Variants in FUBP1 observed in about 807,000 individuals in gnomAD.
The protein encoded by FUBP1 is far upstream element binding protein 1, also known as far upstream element-binding protein 1.
In FUBP1, 16 loss-of-function variants were observed where a neutral mutation model predicts 94.9. The ratio of observed to expected loss-of-function variants is 0.17; its 90% CI spans 0.11 to 0.26. The LOEUF (loss-of-function observed/expected upper bound fraction) is 0.26. FUBP1 is among the 10% of genes least tolerant of loss of function. The pLI is 1.00. For synonymous variants in FUBP1, 279 were observed against 254.9 expected, an observed-to-expected ratio of 1.09 and a Z score of -0.90; for missense variants, 583 against 808.6, an observed-to-expected ratio of 0.72 and a Z score of 3.38.
chr1:77,970,364 C>T (rs1483585394), intron 1 of FUBP1, among the ~76,000 whole-genome samples: 2 of 152,108 alleles, frequency 1.3e-5, no homozygotes, highest in African/African-American at 2.4e-5. Flanking sequence ...AATGTGAACA[C>T]TTTGTGGGAC....
chr1:77,968,094 A>G, intron 3 of FUBP1, 71 bp downstream of exon 3: 3 of 987,938 alleles, frequency 3.0e-6, no homozygotes, highest in East Asian at 2.8e-5. Context: ...AAGATACCCA[A>G]TAATATGAAC....
rs749333758 is a variant in FUBP1 at position 77,946,801 on chromosome 1, C to T, written c.*1965G>A. ...GTCAATACCCTACTCTTAAAGATAACAAATAGCTAACTCCTTAACTATTAA... is the reference window on the plus strand; with the variant it reads ...GTCAATACCCTACTCTTAAAGATAATAAATAGCTAACTCCTTAACTATTAA... On this transcript the variant is annotated 3_prime_UTR_variant, in exon 20 of 20. Coordinates refer to ENST00000370768, the MANE Select transcript of FUBP1 (RefSeq NM_003902.5). The T allele has an allele frequency of 9.8e-6, 2 of 205,104 alleles. No homozygotes were observed. The highest frequency in any genetic ancestry group is 2.3e-5 in the African/African-American group (1 of 43,768). 12.7% of individuals were successfully genotyped at this position (205,104 alleles called of 1,614,324 possible).
chr1:77,961,668 A>G (rs1485042289), intron 14 of FUBP1, among the ~76,000 whole-genome samples: 1 of 152,262 alleles, frequency 6.6e-6, no homozygotes, highest in Non-Finnish European at 1.5e-5. Flanking sequence ...TACAGAGTCC[A>G]TGCTCTTAAT....
chr1:77,968,936 C>A, intron 2 of FUBP1: 1 of 454,838 alleles, frequency 2.2e-6, no homozygotes, highest in African/African-American at 2.1e-5. Flanking sequence ...GACACATAAT[C>A]CAAGAAATAT....
intron 3 of FUBP1, 140 bp downstream of exon 3, chr1:77,968,025 A>C (rs1473881241): frequency 3.5e-6 from 2 of 576,210 alleles, no homozygotes; most frequent in Non-Finnish European, 6.1e-6. Context: ...AAAAAGGTAT[A>C]TATTTACAAA....
Position 77,947,675 on chromosome 1 carries a change from A to C in FUBP1, c.*1091T>G, listed in dbSNP as rs924455420. On this transcript the variant is annotated 3_prime_UTR_variant, in exon 20 of 20. Coordinates refer to ENST00000370768, the MANE Select transcript of FUBP1 (RefSeq NM_003902.5). ...TTCAACAAAATATCAGAACTTCAGCATGAGTGTTAAAGAGTAATAAAATGA... is the reference window on the plus strand; with the variant it reads ...TTCAACAAAATATCAGAACTTCAGCCTGAGTGTTAAAGAGTAATAAAATGA... 1 of 657,682 alleles carries C rather than the reference A, an allele frequency of 1.5e-6. No homozygotes were observed. The highest frequency in any genetic ancestry group is 2.5e-6 in the Non-Finnish European group (1 of 395,786). The allele number at this position is 657,682 out of a possible 1,614,324, so 40.7% of individuals were successfully genotyped here. A position where few individuals can be genotyped will look rare whatever the true frequency, so the allele number is the denominator to read the frequency against.
In FUBP1 at chr1:77,970,921, T is replaced by C. The variant is rs145545493; in HGVS notation, c.121-906A>G. Among the ~76,000 whole-genome samples, 10 of 152,226 alleles carry C rather than the reference T, an allele frequency of 6.6e-5. No individual in the cohort carries two copies. The South Asian group carries it at 1.0e-3, about 16-fold the overall frequency. ...AGCCAGGTGTGGTGGTGCACGCCCA[T>C]AGTCCCAGCTACTCGGGAGGCTGAG... On this transcript the variant is annotated intron_variant, in intron 1 of 19. Coordinates refer to ENST00000370768, the MANE Select transcript of FUBP1 (RefSeq NM_003902.5).
At chr1:77,953,652 C>G (rs1368756840) in intron 18 of FUBP1, among the ~76,000 whole-genome samples, 1 of 151,642 alleles carries the variant, frequency 6.6e-6, no homozygotes, top group Non-Finnish European at 1.5e-5. Context: ...GGATTCAAGA[C>G]AGTATAGTAT....
intron 1 of FUBP1, 152 bp downstream of exon 1, chr1:77,978,733 G>A (rs2102558317): frequency 2.0e-6 from 2 of 1,000,534 alleles, no homozygotes; most frequent in Non-Finnish European, 3.0e-6. Flanking sequence ...GTCTCTAATC[G>A]TTATTACCAA....
rs961642284 is a variant in FUBP1 at position 77,947,098 on chromosome 1, TTCTG to T, written c.*1664_*1667del. 9 of 205,866 alleles carry T rather than the reference TTCTG, an allele frequency of 4.4e-5. No homozygotes were observed. The highest frequency in any genetic ancestry group is 3.7e-4 in the South Asian group (2 of 5,434). 12.8% of individuals were successfully genotyped at this position (205,866 alleles called of 1,614,324 possible). Reference sequence around the variant, plus strand: ...TCATTATTTGCAAACTGAAATCCCCTTCTGTCTGATACATTTCAAGACTTTCATA... The same window carrying T: ...TCATTATTTGCAAACTGAAATCCCCTTCTGATACATTTCAAGACTTTCATA... On this transcript the variant is annotated 3_prime_UTR_variant, in exon 20 of 20. Transcript: ENST00000370768.
At chr1:77,958,528 C>G (rs1169355895) in intron 16 of FUBP1, among the ~76,000 whole-genome samples, 2 of 152,054 alleles carry the variant, frequency 1.3e-5, no homozygotes, top group African/African-American at 4.8e-5. Flanking sequence ...CAATATCCAC[C>G]CCCAGGGACC....
chr1:77,962,867 G>C lies in FUBP1; in HGVS notation c.1247C>G (p.Pro416Arg). 6.2e-7 allele frequency: 1 copy of C among 1,611,894 alleles called. No individual in the cohort carries two copies. The highest frequency in any genetic ancestry group is 1.3e-5 in the African/African-American group (1 of 74,990). The change falls in exon 14 of 20, where the codon CCT becomes CGT. Residue 416 changes from proline (P) to arginine (R), a missense_variant. Transcript: ENST00000370768. ...CATATTAGGATCTGCATTTGGTGGA[G>C]GATTTCTCTGAAGTTCTATTCTTGC... ...SGARIELQRNPPPNADPNMKL... is the reference protein window; with the variant it reads ...SGARIELQRNRPPNADPNMKL...
intron 1 of FUBP1, among the ~76,000 whole-genome samples, chr1:77,970,593 T>C (rs759813217): frequency 6.6e-6 from 1 of 152,222 alleles, no homozygotes; most frequent in African/African-American, 2.4e-5. Context: ...TGGCTCACAT[T>C]GTACTTCTAT....
At position 77,964,372 on chromosome 1, in the gene FUBP1, CTAAG is replaced by C. The variant is rs1557449395; in HGVS notation, c.838-20_838-17del. The C allele has an allele frequency of 1.4e-6, 2 of 1,455,470 alleles. No homozygotes were observed. The highest frequency in any genetic ancestry group is 1.9e-6 in the Non-Finnish European group (2 of 1,047,324). The allele number at this position is 1,455,470 out of a possible 1,614,324, so 90.2% of individuals were successfully genotyped here. On this transcript the variant is annotated splice_polypyrimidine_tract_variant and intron_variant, in intron 10 of 19. Transcript: ENST00000370768. Reference sequence around the variant, plus strand: ...GAATGGGGACCTTATGTAAAAAAGACTAAGTATTAAGAAAGCTAGCTTCTCAGGG... The same window carrying C: ...GAATGGGGACCTTATGTAAAAAAGACTATTAAGAAAGCTAGCTTCTCAGGG...
At chr1:77,957,552 C>T (rs1427105704) in intron 16 of FUBP1, among the ~76,000 whole-genome samples, 2 of 152,148 alleles carry the variant, frequency 1.3e-5, no homozygotes, top group Non-Finnish European at 2.9e-5. Context: ...CCAGAAAAAA[C>T]TTGATTGTCT....
chr1:77,968,250 C>T, intron 2 of FUBP1, 47 bp from the exon 3 acceptor site: 1 of 975,074 alleles, frequency 1.0e-6, no homozygotes, highest in Non-Finnish European at 1.6e-6. Context: ...AAGTACAAAG[C>T]TTCTCCCCTC....
intron 18 of FUBP1, among the ~76,000 whole-genome samples, chr1:77,952,908 C>A (rs557515370): frequency 1.3e-5 from 2 of 152,048 alleles, no homozygotes; most frequent in South Asian, 4.1e-4. Flanking sequence ...GAGGCTGAGG[C>A]GGGTGGATCA....
intron 7 of FUBP1, 79 bp from the exon 8 acceptor site, chr1:77,965,310 A>T: frequency 2.2e-6 from 2 of 898,280 alleles, no homozygotes; most frequent in Non-Finnish European, 3.4e-6. Flanking sequence ...AAACAATATA[A>T]CCAAGTACTC....
rs192133537 is a variant in FUBP1, at chr1:77,970,779, T to G, written c.121-764A>C. The stretch of plus-strand genomic sequence containing the variant: ...TACCCAGCTTTGCTGTCATGGTGGC[T>G]CATGCCTGTAATCTTAGCACTTTGG... On this transcript the variant is annotated intron_variant, in intron 1 of 19. Transcript: ENST00000370768. Among the ~76,000 whole-genome samples the G allele has an allele frequency of 3.3e-5, 5 of 152,336 alleles. No homozygotes were observed. In the East Asian group the frequency reaches 9.7e-4, roughly 29 times the overall value.
Sources: allele counts gnomAD v4.1 joint callset (sites outside exome capture counted in the v4.1 genomes callset), GRCh38; gene constraint gnomAD v4.1.1; transcripts MANE v1.5; gene names NCBI Gene and HGNC (gene_info 2026-07-23, HGNC 2026-07-21).